The following CNTNAP2 variants were observed in gnomAD, a reference collection of about 807,000 sequenced individuals.
The protein encoded by CNTNAP2 is contactin-associated protein-like 2.
A neutral mutation model predicts 155.2 loss-of-function variants in CNTNAP2; 98 were observed. The observed-to-expected ratio is 0.63, with a 90% CI of 0.54 to 0.75. The LOEUF (loss-of-function observed/expected upper bound fraction) is 0.75. Among genes scored for constraint, CNTNAP2 ranks in the 30% least tolerant of loss-of-function variants. The pLI, the probability that CNTNAP2 is intolerant of heterozygous loss-of-function variation, is 0.00. For synonymous variants in CNTNAP2, 651 were observed against 631.2 expected, an observed-to-expected ratio of 1.03 and a Z score of -0.47; for missense variants, 1,727 against 1,688.1, an observed-to-expected ratio of 1.02 and a Z score of -0.40.
intron 1 of CNTNAP2, among the ~76,000 whole-genome samples, chr7:146,434,675 C>T (rs532457885): frequency 5.3e-5 from 8 of 152,088 alleles, no homozygotes; most frequent in East Asian, 1.9e-4. Flanking sequence ...TTAATAATAA[C>T]GGCACAATTA....
At chr7:146,640,646 T>G (rs1243794021) in intron 1 of CNTNAP2, among the ~76,000 whole-genome samples, 3 of 152,196 alleles carry the variant, frequency 2.0e-5, no homozygotes, top group African/African-American at 7.2e-5. Flanking sequence ...TTGGCGAAGG[T>G]TATCCGTAGC....
At chr7:148,194,395 A>G (rs758718926) in intron 18 of CNTNAP2, among the ~76,000 whole-genome samples, 11 of 152,052 alleles carry the variant, frequency 7.2e-5, no homozygotes, top group Non-Finnish European at 1.6e-4. Context: ...TCTTATTCAT[A>G]TTTGTCTTAT....
At chr7:147,070,056 A>G (rs1042929824) in intron 4 of CNTNAP2, among the ~76,000 whole-genome samples, 1 of 152,234 alleles carries the variant, frequency 6.6e-6, no homozygotes, top group Non-Finnish European at 1.5e-5. Flanking sequence ...CAGTTTCAAC[A>G]TTTGTTTTAT....
At chr7:146,963,569 A>ATTTC (rs1484797283) in intron 3 of CNTNAP2, among the ~76,000 whole-genome samples, 2 of 152,172 alleles carry the variant, frequency 1.3e-5, no homozygotes, top group Admixed American at 6.5e-5. Flanking sequence ...TTCAAGAATA[A>ATTTC]AACACAATGT....
chr7:147,954,699 T>C (rs1167609409), intron 14 of CNTNAP2, among the ~76,000 whole-genome samples: 1 of 152,210 alleles, frequency 6.6e-6, no homozygotes, highest in South Asian at 2.1e-4. Context: ...TTTAATTAAC[T>C]CTCTTAGAAA....
intron 1 of CNTNAP2, among the ~76,000 whole-genome samples, chr7:146,275,401 T>C (rs28483211): frequency 0.037 from 5,700 of 152,274 alleles, 169 homozygotes; most frequent in African/African-American, 0.078. Context: ...TATTTCTTAT[T>C]CAGAATGATC....
intron 3 of CNTNAP2, among the ~76,000 whole-genome samples, chr7:146,910,354 C>T (rs1796244834): frequency 6.7e-6 from 1 of 149,978 alleles, no homozygotes; most frequent in Non-Finnish European, 1.5e-5. Context: ...CAAGTCAATC[C>T]TAAGCCAAAA....
rs76701146 is a variant in CNTNAP2, at chr7:146,730,087, C to T, written c.98-44184C>T. ...CTGAACAGCTATTGAGTTGAGGTTT[C>T]CTTTATCATCTGATGATGTATAATT... is the stretch of plus-strand genomic sequence containing the variant. On this transcript the variant is annotated intron_variant, in intron 1 of 23. Transcript: ENST00000361727. 6.9e-3 allele frequency among the ~76,000 whole-genome samples: 1,049 copies of T among 152,234 alleles called. 9 individuals are homozygous for T. Among genetic ancestry groups the T allele is most frequent in the African/African-American group, 0.024 (1,001 of 41,542 alleles).
At chr7:146,389,182 CACA>C (rs1343433575) in intron 1 of CNTNAP2, among the ~76,000 whole-genome samples, 4 of 151,722 alleles carry the variant, frequency 2.6e-5, no homozygotes, top group African/African-American at 4.8e-5. Flanking sequence ...AAAAATCAGG[CACA>C]ACATTATTTT....
chr7:147,870,665 A>G (rs960578717), intron 13 of CNTNAP2, among the ~76,000 whole-genome samples: 1 of 152,222 alleles, frequency 6.6e-6, no homozygotes, highest in Non-Finnish European at 1.5e-5. Context: ...GCCGCAATTC[A>G]TAAATTCTTT....
chr7:148,113,485 G>A (rs1357324329), intron 15 of CNTNAP2, among the ~76,000 whole-genome samples: 1 of 152,224 alleles, frequency 6.6e-6, no homozygotes, highest in East Asian at 1.9e-4. Flanking sequence ...TTAGACATGA[G>A]ATTTGGGTGG....
intron 1 of CNTNAP2, among the ~76,000 whole-genome samples, chr7:146,434,126 T>G (rs1796209457): frequency 6.6e-6 from 1 of 152,104 alleles, no homozygotes; most frequent in Admixed American, 6.6e-5. Flanking sequence ...TGAGGATTAG[T>G]GAATGGTGTT....
At chr7:146,191,307 T>A (rs1798701582) in intron 1 of CNTNAP2, among the ~76,000 whole-genome samples, 1 of 152,078 alleles carries the variant, frequency 6.6e-6, no homozygotes, top group African/African-American at 2.4e-5. Flanking sequence ...TATTAGTGAT[T>A]TTTAAAGGGG....
intron 2 of CNTNAP2, among the ~76,000 whole-genome samples, chr7:146,810,299 CT>C (rs58947235): frequency 0.24 from 21,967 of 93,446 alleles, 5,528 homozygotes; most frequent in African/African-American, 0.61. Flanking sequence ...CTCTAGCTTT[CT>C]TTTTTTTTTT....
At chr7:146,768,586 G>A (rs1462451360) in intron 1 of CNTNAP2, among the ~76,000 whole-genome samples, 2 of 151,856 alleles carry the variant, frequency 1.3e-5, no homozygotes, top group Non-Finnish European at 2.9e-5. Flanking sequence ...AGAGTAGCTC[G>A]AACTTCAAAA....
intron 11 of CNTNAP2, among the ~76,000 whole-genome samples, chr7:147,518,212 A>T (rs994245473): frequency 3.3e-5 from 5 of 152,262 alleles, no homozygotes; most frequent in Non-Finnish European, 7.3e-5. Flanking sequence ...ATGAACATAC[A>T]CTGAACATAG....
At chr7:147,863,482 C>T (rs1164762520) in intron 13 of CNTNAP2, among the ~76,000 whole-genome samples, 1 of 152,122 alleles carries the variant, frequency 6.6e-6, no homozygotes, top group Non-Finnish European at 1.5e-5. Flanking sequence ...ATTTCTAGTT[C>T]TAGATCCTTA....
chr7:148,067,774 G>T (rs184750523), intron 15 of CNTNAP2, among the ~76,000 whole-genome samples: 9 of 152,342 alleles, frequency 5.9e-5, no homozygotes, highest in African/African-American at 2.2e-4. Context: ...ACTGGGTGGA[G>T]CCAGGATTAG....
intron 9 of CNTNAP2, among the ~76,000 whole-genome samples, chr7:147,360,969 G>A (rs1242220422): frequency 2.0e-5 from 3 of 152,258 alleles, no homozygotes; most frequent in East Asian, 3.9e-4. Context: ...TGAAGGTCAT[G>A]AAGCCCAAAA....
Sources: gnomAD v4.1 joint callset for allele counts (sites outside exome capture counted in the v4.1 genomes callset) on GRCh38, gnomAD v4.1.1 for gene constraint, MANE v1.5 for transcripts, NCBI Gene and HGNC (gene_info 2026-07-23, HGNC 2026-07-21) for gene names.